Variants in TBC1D5 observed in about 807,000 individuals in gnomAD.
TBC1D5 encodes TBC1 domain family member 5.
A neutral mutation model predicts 100.3 loss-of-function variants in TBC1D5; 75 were observed. The ratio of observed to expected loss-of-function variants is 0.75; its 90% confidence interval spans 0.62 to 0.91. The LOEUF (loss-of-function observed/expected upper bound fraction) is 0.91, where lower values mean the gene tolerates loss of function less well. Among genes scored for constraint, TBC1D5 ranks in the 40% least tolerant of loss-of-function variants. TBC1D5 has a pLI of 0.00. For missense variants in TBC1D5, 910 were observed against 942.4 expected, an observed-to-expected ratio of 0.97 and a Z score of 0.45; for synonymous variants, 323 against 325.6, an observed-to-expected ratio of 0.99 and a Z score of 0.09.
intron 2 of TBC1D5, among the ~76,000 whole-genome samples, chr3:17,572,040 G>A (rs192378091): frequency 5.9e-5 from 9 of 152,024 alleles, no homozygotes; most frequent in Middle Eastern, 3.4e-3. Flanking sequence ...CCATTGTCTC[G>A]GTTGGGACTT....
intron 2 of TBC1D5, among the ~76,000 whole-genome samples, chr3:17,535,666 T>C (rs1489537847): frequency 6.6e-6 from 1 of 152,150 alleles, no homozygotes; most frequent in Non-Finnish European, 1.5e-5. Flanking sequence ...AAAATCTGTT[T>C]AGTAGTTTTA....
At chr3:17,635,002 C>CAA (rs11386338) in intron 1 of TBC1D5, among the ~76,000 whole-genome samples, 1 of 151,844 alleles carries the variant, frequency 6.6e-6, no homozygotes, top group South Asian at 2.1e-4. Context: ...GATATAGAAA[C>CAA]AAAAAAATTT....
At chr3:17,502,259 C>T (rs1168210527) in intron 3 of TBC1D5, among the ~76,000 whole-genome samples, 5 of 149,672 alleles carry the variant, frequency 3.3e-5, no homozygotes, top group Admixed American at 6.6e-5. Flanking sequence ...AGAGTGCTGG[C>T]GTATGGATTC....
chr3:17,605,031 T>TC (rs1454666826), intron 2 of TBC1D5, among the ~76,000 whole-genome samples: 1 of 152,184 alleles, frequency 6.6e-6, no homozygotes, highest in Admixed American at 6.5e-5. Context: ...CCCCAAAATA[T>TC]CCATCTTTAC....
chr3:17,402,737 T>C (rs1430162917), intron 8 of TBC1D5, among the ~76,000 whole-genome samples: 2 of 152,088 alleles, frequency 1.3e-5, no homozygotes, highest in Non-Finnish European at 2.9e-5. Context: ...AAGAAATTGT[T>C]TGCAAACCTG....
chr3:17,300,623 A>G (rs2082724462), intron 14 of TBC1D5, among the ~76,000 whole-genome samples: 1 of 152,210 alleles, frequency 6.6e-6, no homozygotes, highest in South Asian at 2.1e-4. Context: ...AAAACAGAGG[A>G]AAATTATAGT....
chr3:17,687,747 T>G (rs1393613160), intron 1 of TBC1D5, among the ~76,000 whole-genome samples: 3 of 152,182 alleles, frequency 2.0e-5, no homozygotes, highest in Non-Finnish European at 4.4e-5. Flanking sequence ...GCCCTCCCTA[T>G]TCTCTTATCT....
chr3:17,557,129 G>A (rs1278420405), intron 2 of TBC1D5, among the ~76,000 whole-genome samples: 1 of 152,068 alleles, frequency 6.6e-6, no homozygotes, highest in Non-Finnish European at 1.5e-5. Context: ...TCAAGGAGCT[G>A]GTATCAATTC....
At chr3:17,522,443 G>A (rs894230011) in intron 2 of TBC1D5, among the ~76,000 whole-genome samples, 2 of 152,058 alleles carry the variant, frequency 1.3e-5, no homozygotes, top group African/African-American at 2.4e-5. Flanking sequence ...TACAGGAGAG[G>A]AGCTAATTAT....
chr3:17,230,298 G>A (rs548952611), intron 17 of TBC1D5, among the ~76,000 whole-genome samples: 69 of 152,150 alleles, frequency 4.5e-4, no homozygotes, highest in African/African-American at 1.6e-3. Flanking sequence ...CTTTCTTCTT[G>A]ATGGTCCAGA....
intron 3 of TBC1D5, among the ~76,000 whole-genome samples, chr3:17,439,326 C>G (rs1027088491): frequency 3.9e-5 from 6 of 152,160 alleles, no homozygotes; most frequent in African/African-American, 7.2e-5. Context: ...GTAGCTGATC[C>G]TATCTGTGTC....
intron 2 of TBC1D5, chr3:17,586,558 C>T (rs2096734366): frequency 6.6e-6 from 1 of 152,066 alleles, no homozygotes; most frequent in Non-Finnish European, 1.5e-5. Context: ...CAGCATCTCC[C>T]TAGAAAAATA....
chr3:17,596,561 G>A (rs576686988), intron 2 of TBC1D5, among the ~76,000 whole-genome samples: 13 of 151,020 alleles, frequency 8.6e-5, no homozygotes, highest in East Asian at 3.9e-4. Flanking sequence ...CTCGTGATCC[G>A]CCCACCTTGG....
chr3:17,286,073 T>C (rs1378479416), intron 15 of TBC1D5, among the ~76,000 whole-genome samples: 1 of 152,228 alleles, frequency 6.6e-6, no homozygotes, highest in Non-Finnish European at 1.5e-5. Flanking sequence ...GTCAAATTCT[T>C]ACTGCATAAT....
intron 16 of TBC1D5, among the ~76,000 whole-genome samples, chr3:17,250,670 C>G (rs2077101729): frequency 6.6e-6 from 1 of 152,358 alleles, no homozygotes; most frequent in South Asian, 2.1e-4. Flanking sequence ...GGCACCCTCA[C>G]TATTCAGTCT....
At chr3:17,258,943 GGA>G (rs949014232) in intron 15 of TBC1D5, among the ~76,000 whole-genome samples, 2 of 152,094 alleles carry the variant, frequency 1.3e-5, no homozygotes, top group African/African-American at 2.4e-5. Flanking sequence ...GCCAAGGGAT[GGA>G]GAGACATAAG....
rs1491538980 is a variant in TBC1D5, at chr3:17,463,943, C to CGTTTT, written c.98-35425_98-35424insAAAAC. ...CAATCAATACTAGCATTCCTTATTC[C>CGTTTT]TTTTTTTTTTTTTTTTTTTTTTTTT... On this transcript the variant is annotated intron_variant, in intron 3 of 21. Transcript: ENST00000253692. 1.5e-4 allele frequency among the ~76,000 whole-genome samples: 13 copies of CGTTTT among 87,530 alleles called. 1 individual carries two copies. In the South Asian group the frequency reaches 3.5e-3, roughly 23 times the overall value. The allele number at this position is 87,530 out of a possible 152,430, so 57.4% of individuals were successfully genotyped here.
chr3:17,676,720 C>G (rs1425841188), intron 1 of TBC1D5, among the ~76,000 whole-genome samples: 3 of 152,202 alleles, frequency 2.0e-5, no homozygotes. Context: ...AAGCACAAAG[C>G]TGGAGGCATC....
chr3:17,621,707 CT>C (rs34228402), intron 2 of TBC1D5, among the ~76,000 whole-genome samples: 61,143 of 147,710 alleles, frequency 0.41, 12,955 homozygotes, highest in Middle Eastern at 0.51. Context: ...TTCTCGCTAA[CT>C]TTTTTTTTTT....
Sources: gnomAD v4.1 joint callset for allele counts (sites outside exome capture counted in the v4.1 genomes callset) on GRCh38, gnomAD v4.1.1 for gene constraint, MANE v1.5 for transcripts, NCBI Gene and HGNC (gene_info 2026-07-23, HGNC 2026-07-21) for gene names.